TSR3: variants seen among roughly 807,000 people sequenced by gnomAD.
TSR3 encodes 18S rRNA aminocarboxypropyltransferase.
In TSR3, 31 loss-of-function variants were observed where a neutral mutation model predicts 28.1. That is an observed-to-expected ratio of 1.10 (90% CI 0.83 to 1.49). The LOEUF is 1.49. Among genes scored for constraint, TSR3 ranks in the 40% most tolerant of loss-of-function variants. The probability of loss-of-function intolerance (pLI) is 0.00; values close to 1 mark genes in which losing one functional copy is unlikely to be tolerated. For synonymous variants in TSR3, 219 were observed against 197.2 expected (o/e 1.11, Z -0.93); for missense variants, 511 against 444.0 (o/e 1.15, Z -1.36).
Position 1,349,385 on chromosome 16 carries a change from GTC to G in TSR3, c.*50_*51del. The G allele has an allele frequency of 1.2e-6, 2 of 1,605,630 alleles. No homozygotes were observed. Among genetic ancestry groups the G allele is most frequent in the South Asian group, 2.2e-5 (2 of 90,700 alleles). ...TGCCAGGCCCATTTATGTCCCTCAT[GTC>G]TCTAGATTTTCTCGTCACCCAGCCT... On this transcript the variant is annotated 3_prime_UTR_variant, in exon 6 of 6. Coordinates refer to ENST00000007390, the MANE Select transcript of TSR3 (RefSeq NM_001001410.3).
At position 1,350,862 on chromosome 16, in the gene TSR3, G is replaced by C; in HGVS notation, c.471C>G (p.Gly157=). 6.2e-7 allele frequency: 1 copy of C among 1,613,062 alleles called. No individual in the cohort carries two copies. Among genetic ancestry groups the C allele is most frequent in the Non-Finnish European group, 8.5e-7 (1 of 1,179,998 alleles). The part of the protein sequence containing the change: ...YLVAANPVNY[G]RPYRLSCVEA... ...CCACGCAGGAAAGTCTGTAGGGCCG[G>C]CCATAGTTCACGGGGTTGGCGGCCA... Residue 157 remains glycine, a synonymous_variant, in exon 3 of 6, where the codon GGC becomes GGG. Transcript: ENST00000007390.
chr16:1,351,791 C>T lies in TSR3; in HGVS notation c.14G>A (p.Arg5Lys), dbSNP rs1247952972. 23 of 1,330,932 alleles carry T rather than the reference C, an allele frequency of 1.7e-5. No individual in the cohort carries two copies. The highest frequency in any genetic ancestry group is 2.2e-5 in the Non-Finnish European group (23 of 1,047,240). The allele number at this position is 1,330,932 out of a possible 1,614,324, so 82.4% of individuals were successfully genotyped here. Residue 5 changes from arginine to lysine, a missense_variant, in exon 1 of 6, where the codon AGG becomes AAG. Physicochemically the swap from Arg to Lys is conservative, Grantham distance 26. Transcript: ENST00000007390. ...TTCCGCCCCCGGCCCGCGCGCTGCC[C>T]TCCTGCGGCCCATGGCGCGGACCTG... MGRR[R>K]AARGPGAEGG...
chr16:1,350,701 G>T, intron 3 of TSR3, 106 bp downstream of exon 3: 2 of 1,322,102 alleles, frequency 1.5e-6, no homozygotes, highest in Non-Finnish European at 1.1e-6. Flanking sequence ...TCCCCTGTCC[G>T]TCCCTTATGC....
rs199629353 is a variant in TSR3 at position 1,349,960 on chromosome 16, G to C, written c.704-8C>G. 1.2e-5 allele frequency: 19 copies of C among 1,613,248 alleles called. No homozygotes were observed. Among genetic ancestry groups the C allele is most frequent in the Non-Finnish European group, 1.5e-5 (18 of 1,179,986 alleles). On this transcript the variant is annotated splice_polypyrimidine_tract_variant and splice_region_variant and intron_variant, in intron 4 of 5. Coordinates refer to ENST00000007390, the MANE Select transcript of TSR3 (RefSeq NM_001001410.3). ...AATCCACATCGAAGGGATCTGAGCC[G>C]AGAGAGGAAAGTGGCCTCTAAGTGA...
Position 1,349,441 on chromosome 16 carries a change from T to A in TSR3, c.935A>T (p.Asp312Val). 1.2e-6 allele frequency: 2 copies of A among 1,613,570 alleles called. No homozygotes were observed. Among genetic ancestry groups the A allele is most frequent in the Non-Finnish European group, 1.7e-6 (2 of 1,179,862 alleles). ...VWKGIKKRQR[D>V] ...AAATATATGTGTCTGCAACCCTCAG[T>A]CTCTCTGCCGTTTCTTGATTCCTTT... The change falls in exon 6 of 6, where the codon GAC (aspartate) becomes GTC (valine). Residue 312 changes from aspartate to valine, a missense_variant. Coordinates refer to ENST00000007390, the MANE Select transcript of TSR3 (RefSeq NM_001001410.3).
In TSR3 at chr16:1,351,613, G is replaced by A. The variant is rs959983428; in HGVS notation, c.113-15C>T. ...CTCCACGGAAGCTGCACGAGAGAGA[G>A]AAGGGCACTCGGCCTCAGCGTGGGA... On this transcript the variant is annotated splice_polypyrimidine_tract_variant and intron_variant, in intron 1 of 5. Coordinates refer to ENST00000007390, the MANE Select transcript of TSR3 (RefSeq NM_001001410.3). 11 of 1,465,602 alleles carry A rather than the reference G, an allele frequency of 7.5e-6. No individual in the cohort carries two copies. The African/African-American group carries it at 1.5e-4, about 20-fold the overall frequency. 90.8% of individuals were successfully genotyped at this position (1,465,602 alleles called of 1,614,324 possible).
intron 2 of TSR3, 127 bp downstream of exon 2, chr16:1,351,252 C>G: frequency 2.6e-6 from 3 of 1,153,104 alleles, no homozygotes; most frequent in Non-Finnish European, 3.6e-6. Flanking sequence ...CGGAGGCAAA[C>G]TAGACAGACG....
Position 1,350,227 on chromosome 16 carries a change from T to C in TSR3, c.534A>G (p.Pro178=), listed in dbSNP as rs111267196. ...FAATFCIVGF[P]DLAVILLRKF... Reference sequence around the variant, plus strand: ...TCCGCAGCAAAATGACAGCAAGGTCTGGAAAGCCTGACGGTGTGAGAAACA... The same window carrying C: ...TCCGCAGCAAAATGACAGCAAGGTCCGGAAAGCCTGACGGTGTGAGAAACA... The change falls in exon 4 of 6, where the codon CCA becomes CCG. Residue 178 remains proline, a synonymous_variant. Transcript: ENST00000007390. The C allele has an allele frequency of 2.0e-5, 32 of 1,593,736 alleles. No individual in the cohort carries two copies. The Middle Eastern group carries it at 5.0e-4, about 25-fold the overall frequency.
At chr16:1,350,016 C>CA in intron 4 of TSR3, 42 bp downstream of exon 4, 1 of 1,610,848 alleles carries the variant, frequency 6.2e-7, no homozygotes, top group Non-Finnish European at 8.5e-7. Context: ...TCCCACCCCC[C>CA]AGGCTTTGGA....
intron 3 of TSR3, among the ~76,000 whole-genome samples, chr16:1,350,602 C>G (rs995361933): frequency 6.6e-6 from 1 of 152,194 alleles, no homozygotes; most frequent in African/African-American, 2.4e-5. Context: ...CCTGATAGAA[C>G]AGCGATCCCA....
rs575767980 is a variant in TSR3 at position 1,350,972 on chromosome 16, C to T, written c.361G>A (p.Val121Ile). The T allele has an allele frequency of 1.9e-5, 31 of 1,612,214 alleles. No homozygotes were observed. In the South Asian group the frequency reaches 2.7e-4, roughly 14 times the overall value. Residue 121 changes from valine (V) to isoleucine (I), a missense_variant, in exon 3 of 6, where the codon GTC becomes ATC. Coordinates refer to ENST00000007390, the MANE Select transcript of TSR3 (RefSeq NM_001001410.3). ...AGCCTGGCCCAGGAGCAGTCGATGA[C>T]GGCGACCCCAGACTGCGCCACCAGC... Reference protein sequence around the residue: ...RQLVAQSGVAVIDCSWARLDE... With the variant: ...RQLVAQSGVAIIDCSWARLDE...
Position 1,351,673 on chromosome 16 carries a change from C to T in TSR3, c.112+20G>A. 2 of 1,395,530 alleles carry T rather than the reference C, an allele frequency of 1.4e-6. No homozygotes were observed. The highest frequency in any genetic ancestry group is 1.5e-5 in the South Asian group (1 of 64,930). 86.4% of individuals were successfully genotyped at this position (1,395,530 alleles called of 1,614,324 possible). A position where few individuals can be genotyped will look rare whatever the true frequency, so the allele number is the denominator to read the frequency against. On this transcript the variant is annotated intron_variant, in intron 1 of 5. Transcript: ENST00000007390. ...AGGCCCTCAAACCCTGACCCGCTCT[C>T]CCCATCACGCCTCGCTCACCCTGCA...
chr16:1,349,448 G>A lies in TSR3; in HGVS notation c.928C>T (p.Gln310Ter). 1.9e-6 allele frequency: 3 copies of A among 1,613,552 alleles called. No individual in the cohort carries two copies. The highest frequency in any genetic ancestry group is 2.5e-6 in the Non-Finnish European group (3 of 1,179,862). Residue 310 changes from glutamine (Q) to a stop codon, truncating the protein, a stop_gained, in exon 6 of 6, where the codon CAG becomes TAG. Transcript: ENST00000007390. LOFTEE classifies it high-confidence loss of function. ...TGTGTCTGCAACCCTCAGTCTCTCT[G>A]CCGTTTCTTGATTCCTTTCCAAACC... ...AEVWKGIKKR[Q>*]RD
chr16:1,349,653 G>T, intron 5 of TSR3, 45 bp from the exon 6 acceptor site: 1 of 1,548,044 alleles, frequency 6.5e-7, no homozygotes. Flanking sequence ...GTCCTCCCTG[G>T]CTAGCTGGAG....
chr16:1,349,420 A>G lies in TSR3; in HGVS notation c.*17T>C. On this transcript the variant is annotated 3_prime_UTR_variant, in exon 6 of 6. Transcript: ENST00000007390. ...TTTCTCGTCACCCAGCCTCAAAAAT[A>G]TATGTGTCTGCAACCCTCAGTCTCT... 1 of 1,613,556 alleles carries G rather than the reference A, an allele frequency of 6.2e-7. No individual in the cohort carries two copies. Among genetic ancestry groups the G allele is most frequent in the Non-Finnish European group, 8.5e-7 (1 of 1,179,870 alleles).
rs780629813 is a variant in TSR3 at position 1,351,550 on chromosome 16, G to A, written c.161C>T (p.Ala54Val). 6 of 1,478,708 alleles carry A rather than the reference G, an allele frequency of 4.1e-6. No homozygotes were observed. In the East Asian group the frequency reaches 1.5e-4, roughly 36 times the overall value. 91.6% of individuals were successfully genotyped at this position (1,478,708 alleles called of 1,614,324 possible). A position where few individuals can be genotyped will look rare whatever the true frequency, so the allele number is the denominator to read the frequency against. The change falls in exon 2 of 6, where the codon GCG (alanine) becomes GTG (valine). Residue 54 changes from alanine to valine, a missense_variant. Ala to Val is a moderately conservative substitution (Grantham distance 64, BLOSUM62 0). Transcript: ENST00000007390. ...CATGGCCAGCGTGCAGGGCAGCGCC[G>A]CCGGGCCCGGGCCGCCCTCGCCGTC... ...AADGEGGPGP[A>V]ALPCTLAMWE...
In TSR3 at chr16:1,350,860, C is replaced by T. The variant is rs2034654858; in HGVS notation, c.473G>A (p.Arg158Gln). ...LVAANPVNYG[R>Q]PYRLSCVEAF... The stretch of plus-strand genomic sequence containing the variant: ...TTCCACGCAGGAAAGTCTGTAGGGC[C>T]GGCCATAGTTCACGGGGTTGGCGGC... The change falls in exon 3 of 6, where the codon CGG (arginine) becomes CAG (glutamine). Residue 158 changes from arginine to glutamine, a missense_variant. By Grantham distance (43) the Arg-to-Gln change is conservative (BLOSUM62 1). Transcript: ENST00000007390. 2 of 1,613,032 alleles carry T rather than the reference C, an allele frequency of 1.2e-6. No individual in the cohort carries two copies. The highest frequency in any genetic ancestry group is 1.7e-6 in the Non-Finnish European group (2 of 1,179,998).
chr16:1,350,374 C>T, intron 3 of TSR3, 140 bp from the exon 4 acceptor site: 2 of 920,404 alleles, frequency 2.2e-6, no homozygotes, highest in Non-Finnish European at 1.6e-6. Context: ...TCCTGAGAAC[C>T]CGTGCTGCCC....
At position 1,349,293 on chromosome 16, in the gene TSR3, G is replaced by A. The variant is rs752603924; in HGVS notation, c.*144C>T. ...GCGCCGAGGCAGGACACAGAGCACA[G>A]CTGTGCTGGAAGTGTGGGGAGAACC... On this transcript the variant is annotated 3_prime_UTR_variant, in exon 6 of 6. Transcript: ENST00000007390. 24 of 910,382 alleles carry A rather than the reference G, an allele frequency of 2.6e-5. No individual in the cohort carries two copies. The highest frequency in any genetic ancestry group is 4.1e-5 in the Non-Finnish European group (23 of 556,368). The allele number at this position is 910,382 out of a possible 1,614,324, so 56.4% of individuals were successfully genotyped here.
Sources: gnomAD v4.1 joint callset for allele counts (sites outside exome capture counted in the v4.1 genomes callset) on GRCh38, gnomAD v4.1.1 for gene constraint, MANE v1.5 for transcripts, NCBI Gene and HGNC (gene_info 2026-07-23, HGNC 2026-07-21) for gene names.